The following MGA variants were observed in gnomAD, a reference collection of about 807,000 sequenced individuals.
MGA encodes MAX gene-associated protein.
MGA carries 40 observed loss-of-function variants against 261.1 expected under a neutral mutation model. That is an observed-to-expected ratio of 0.15 (90% confidence interval 0.12 to 0.20). MGA has a LOEUF of 0.20. Among genes scored for constraint, MGA ranks in the 10% least tolerant of loss-of-function variants. The pLI is 1.00. For synonymous variants in MGA, 1,302 were observed against 1,290.6 expected, an observed-to-expected ratio of 1.01 and a Z score of -0.19; for missense variants, 3,397 against 3,630.5, an observed-to-expected ratio of 0.94 and a Z score of 1.65.
At chr15:41,762,471 T>TTG in intron 22 of MGA, 109 bp downstream of exon 22, 1 of 681,482 alleles carries the variant, frequency 1.5e-6, no homozygotes, top group East Asian at 3.4e-5. Flanking sequence ...GTTTTTTTTT[T>TTG]TTTTTTTTTT....
chr15:41,632,294 T>C (rs2056606052), intron 1 of MGA, among the ~76,000 whole-genome samples: 2 of 152,338 alleles, frequency 1.3e-5, no homozygotes, highest in East Asian at 1.9e-4. Context: ...CCAGAGAGTG[T>C]CTACTCTGTT....
chr15:41,681,893 T>C (rs532359056), intron 2 of MGA, among the ~76,000 whole-genome samples: 4 of 152,192 alleles, frequency 2.6e-5, no homozygotes, highest in Non-Finnish European at 5.9e-5. Flanking sequence ...AGTTTATATG[T>C]ACTGGTGCTT....
intron 5 of MGA, among the ~76,000 whole-genome samples, chr15:41,706,035 G>A (rs527637264): frequency 6.6e-6 from 1 of 151,914 alleles, no homozygotes; most frequent in East Asian, 1.9e-4. Flanking sequence ...TCAGGATTTC[G>A]AGAGCAGCCT....
chr15:41,730,566 AAC>A (rs540203544), intron 11 of MGA, among the ~76,000 whole-genome samples: 36 of 152,354 alleles, frequency 2.4e-4, no homozygotes, highest in South Asian at 6.2e-4. Context: ...CGTTCAAGCA[AAC>A]ACAAGAAAAC....
intron 5 of MGA, among the ~76,000 whole-genome samples, chr15:41,701,318 TC>T (rs1042496676): frequency 2.0e-5 from 3 of 152,184 alleles, no homozygotes; most frequent in Admixed American, 2.0e-4. Context: ...TAACTTAATC[TC>T]CCACATTTTA....
intron 11 of MGA, among the ~76,000 whole-genome samples, chr15:41,731,544 TTC>T (rs2061509566): frequency 6.6e-6 from 1 of 152,194 alleles, no homozygotes; most frequent in South Asian, 2.1e-4. Flanking sequence ...TAAAAAAAAC[TTC>T]TGTTTTCCCA....
chr15:41,670,232 T>A (rs2057967553), intron 2 of MGA, among the ~76,000 whole-genome samples: 2 of 152,292 alleles, frequency 1.3e-5, no homozygotes, highest in South Asian at 4.1e-4. Flanking sequence ...CTTGGGGGAT[T>A]GGTTCCAGGA....
chr15:41,635,143 G>A (rs1445232896), intron 1 of MGA, among the ~76,000 whole-genome samples: 1 of 151,866 alleles, frequency 6.6e-6, no homozygotes, highest in Non-Finnish European at 1.5e-5. Context: ...AGACCATCCT[G>A]GCCAACATGG....
chr15:41,645,496 A>G (rs1261926363), intron 1 of MGA, among the ~76,000 whole-genome samples: 1 of 152,154 alleles, frequency 6.6e-6, no homozygotes, highest in Non-Finnish European at 1.5e-5. Flanking sequence ...AGGAAGGAGA[A>G]TCTCTTGAAC....
intron 1 of MGA, among the ~76,000 whole-genome samples, chr15:41,654,379 TA>T (rs1044683123): frequency 1.3e-5 from 2 of 152,162 alleles, no homozygotes; most frequent in South Asian, 2.1e-4. Context: ...GATCTTTTTT[TA>T]AAAAAAATCA....
rs752590523 is a variant in MGA at position 41,766,158 on chromosome 15, T to G, written c.8076T>G (p.Asp2692Glu). ...TGAAAGACACCGTCAGGAATGAAGA[T>G]AATTCCTTAGAGGATAAGGGTAGAA... Residue 2692 changes from aspartate to glutamate, a missense_variant, in exon 24 of 24, where the codon GAT becomes GAG. Transcript: ENST00000219905. 1 of 1,614,010 alleles carries G rather than the reference T, an allele frequency of 6.2e-7. No individual in the cohort carries two copies. Among genetic ancestry groups the G allele is most frequent in the South Asian group, 1.1e-5 (1 of 91,082 alleles).
chr15:41,651,939 G>C (rs1265599349), intron 1 of MGA, among the ~76,000 whole-genome samples: 9 of 20,084 alleles, frequency 4.5e-4, no homozygotes, highest in Admixed American at 7.9e-4. Flanking sequence ...CCCTCCCCCC[G>C]TCTCTCCTCT....
intron 14 of MGA, among the ~76,000 whole-genome samples, chr15:41,741,908 C>T (rs1329064339): frequency 6.6e-6 from 1 of 151,624 alleles, no homozygotes; most frequent in East Asian, 2.0e-4. Flanking sequence ...GACGGGGTTT[C>T]ACCGTGTTGG....
chr15:41,662,293 A>G (rs772169826), intron 1 of MGA, among the ~76,000 whole-genome samples: 6 of 152,042 alleles, frequency 3.9e-5, no homozygotes, highest in African/African-American at 9.7e-5. Context: ...TGCTTACCCA[A>G]CTGCTAGAGA....
intron 1 of MGA, among the ~76,000 whole-genome samples, chr15:41,638,721 TTCTC>T (rs2056762217): frequency 6.7e-6 from 1 of 149,454 alleles, no homozygotes. Flanking sequence ...GACAGGGTCT[TTCTC>T]TCTTGCCCAA....
At chr15:41,662,593 G>C (rs1054934284) in intron 1 of MGA, among the ~76,000 whole-genome samples, 4 of 152,144 alleles carry the variant, frequency 2.6e-5, no homozygotes, top group African/African-American at 9.7e-5. Flanking sequence ...GCAAATGATG[G>C]TTAAGAGCGA....
intron 1 of MGA, among the ~76,000 whole-genome samples, chr15:41,624,445 T>G (rs1056877142): frequency 6.7e-6 from 1 of 150,064 alleles, no homozygotes; most frequent in Non-Finnish European, 1.5e-5. Context: ...TTAGTAGAGA[T>G]AGGGTCCAGG....
chr15:41,674,970 A>C (rs963024978), intron 2 of MGA, among the ~76,000 whole-genome samples: 1 of 152,144 alleles, frequency 6.6e-6, no homozygotes, highest in African/African-American at 2.4e-5. Flanking sequence ...TGCATTAGCT[A>C]TGATAGTCAT....
chr15:41,750,777 A>G (rs570167730), intron 17 of MGA, 162 bp downstream of exon 17: 8 of 617,898 alleles, frequency 1.3e-5, no homozygotes, highest in African/African-American at 7.3e-5. Context: ...GGCTGTGTCA[A>G]TCAAGCATCA....
Sources: gnomAD v4.1 joint callset for allele counts (sites outside exome capture counted in the v4.1 genomes callset) on GRCh38, gnomAD v4.1.1 for gene constraint, MANE v1.5 for transcripts, NCBI Gene and HGNC (gene_info 2026-07-23, HGNC 2026-07-21) for gene names.